The following BRINP2 variants were observed in gnomAD, a reference collection of about 807,000 sequenced individuals.
BRINP2 encodes the protein BMP/retinoic acid-inducible neural-specific protein 2.
In BRINP2, 21 loss-of-function variants were observed where a neutral mutation model predicts 69.2. That is an observed-to-expected ratio of 0.30 (90% CI 0.22 to 0.44). BRINP2 has a LOEUF of 0.44. Among genes scored for constraint, BRINP2 ranks in the 20% least tolerant of loss-of-function variants. The pLI is 1.00. For synonymous variants in BRINP2, 380 were observed against 394.1 expected (o/e 0.96, Z 0.42); for missense variants, 877 against 986.0 (o/e 0.89, Z 1.48).
intron 1 of BRINP2, among the ~76,000 whole-genome samples, chr1:177,223,433 G>A (rs751364464): frequency 2.0e-5 from 3 of 152,146 alleles, no homozygotes; most frequent in Non-Finnish European, 4.4e-5. Context: ...GGCTGGGTCC[G>A]TCTTGTTCAT....
chr1:177,276,934 G>A (rs549074402), intron 6 of BRINP2, among the ~76,000 whole-genome samples: 2 of 151,014 alleles, frequency 1.3e-5, no homozygotes, highest in Admixed American at 1.3e-4. Context: ...TTATGACCTT[G>A]GATTAGCCGT....
At chr1:177,179,946 T>A (rs1198172415) in intron 1 of BRINP2, among the ~76,000 whole-genome samples, 3 of 152,124 alleles carry the variant, frequency 2.0e-5, no homozygotes, top group Non-Finnish European at 2.9e-5. Flanking sequence ...ACGTATGTAT[T>A]CACACACACG....
At chr1:177,177,880 G>A (rs1648136607) in intron 1 of BRINP2, among the ~76,000 whole-genome samples, 1 of 152,156 alleles carries the variant, frequency 6.6e-6, no homozygotes, top group Non-Finnish European at 1.5e-5. Flanking sequence ...TCTTCACTTT[G>A]ACATCACCAA....
chr1:177,209,293 A>G (rs745399184), intron 1 of BRINP2, among the ~76,000 whole-genome samples: 10 of 152,186 alleles, frequency 6.6e-5, no homozygotes, highest in Non-Finnish European at 4.4e-5. Context: ...CACAGAAAGC[A>G]TATGGGTAAT....
At chr1:177,214,619 T>C (rs1030862208) in intron 1 of BRINP2, among the ~76,000 whole-genome samples, 1 of 152,176 alleles carries the variant, frequency 6.6e-6, no homozygotes. Flanking sequence ...TTTCCGTGAT[T>C]TAGGCAGTAT....
intron 1 of BRINP2, among the ~76,000 whole-genome samples, chr1:177,223,681 G>T (rs928869844): frequency 6.6e-6 from 1 of 152,150 alleles, no homozygotes; most frequent in African/African-American, 2.4e-5. Flanking sequence ...TTAGTAAACA[G>T]TAATTATGAT....
intron 1 of BRINP2, among the ~76,000 whole-genome samples, chr1:177,217,857 A>T (rs1184788349): frequency 6.6e-6 from 1 of 152,166 alleles, no homozygotes; most frequent in Non-Finnish European, 1.5e-5. Context: ...GAGCTGCCAT[A>T]TGGATGCTGC....
chr1:177,273,584 CA>C lies in BRINP2; in HGVS notation c.767del (p.Gln256ArgfsTer18). 1 of 1,581,062 alleles carries C rather than the reference CA, an allele frequency of 6.3e-7. No individual in the cohort carries two copies. On this transcript the variant is annotated frameshift_variant, in exon 5 of 8. Coordinates refer to ENST00000361539, the MANE Select transcript of BRINP2 (RefSeq NM_021165.4). LOFTEE classifies it high-confidence loss of function. ...GGTACAGAGTCCAGAGAACAAAGTA[CA>C]GTTACTTGGTAAGCAGCACTATGAT... ...VLVQSPENKV[Q>X]LLGLQVLLPE...
chr1:177,278,833 C>A, intron 7 of BRINP2, 48 bp downstream of exon 7: 1 of 1,580,316 alleles, frequency 6.3e-7, no homozygotes, highest in Non-Finnish European at 8.7e-7. Flanking sequence ...CCTCCCCTGA[C>A]AGCTGCTGAG....
chr1:177,267,209 C>T (rs1054155084), intron 4 of BRINP2, among the ~76,000 whole-genome samples: 1 of 152,178 alleles, frequency 6.6e-6, no homozygotes, highest in African/African-American at 2.4e-5. Flanking sequence ...TGAAAAATAT[C>T]ACAGCTCTCC....
chr1:177,226,076 A>G (rs1558166433), intron 1 of BRINP2, among the ~76,000 whole-genome samples: 1 of 152,226 alleles, frequency 6.6e-6, no homozygotes, highest in Admixed American at 6.5e-5. Context: ...GCACCCGTTG[A>G]CTTAATATAT....
intron 6 of BRINP2, 123 bp from the exon 7 acceptor site, chr1:177,278,440 G>A: frequency 2.4e-6 from 2 of 832,234 alleles, no homozygotes; most frequent in Admixed American, 4.1e-5. Context: ...AGGGAAATGG[G>A]TGTGCAGCCT....
chr1:177,255,835 G>A, intron 2 of BRINP2, 84 bp from the exon 3 acceptor site: 1 of 1,384,900 alleles, frequency 7.2e-7, no homozygotes, highest in East Asian at 2.3e-5. Flanking sequence ...TGCAAGTGGA[G>A]GAAGAACATT....
chr1:177,186,307 T>C (rs903390000), intron 1 of BRINP2, among the ~76,000 whole-genome samples: 15 of 152,136 alleles, frequency 9.9e-5, no homozygotes, highest in African/African-American at 3.6e-4. Flanking sequence ...TCTATGGCCC[T>C]GAGTTTCCTA....
chr1:177,204,466 G>C (rs1425161412), intron 1 of BRINP2, among the ~76,000 whole-genome samples: 6 of 151,538 alleles, frequency 4.0e-5, no homozygotes, highest in Non-Finnish European at 1.5e-5. Flanking sequence ...AGTTTATAAG[G>C]AGTGGCCACA....
At chr1:177,183,137 C>CTTTTT (rs71129597) in intron 1 of BRINP2, among the ~76,000 whole-genome samples, 142 of 54,298 alleles carry the variant, frequency 2.6e-3, no homozygotes, top group Non-Finnish European at 3.6e-3. Flanking sequence ...AGTGTGTGAG[C>CTTTTT]TTTTTTTTTT....
rs542974846 is a variant in BRINP2, at chr1:177,266,652, C to T, written c.670-6836C>T. ...GCGGGCACCTGTAGTCCCAGCTACTCGGGAGGGTGAGGAAGGAGAATGGCA... is the reference window on the plus strand; with the variant it reads ...GCGGGCACCTGTAGTCCCAGCTACTTGGGAGGGTGAGGAAGGAGAATGGCA... On this transcript the variant is annotated intron_variant, in intron 4 of 7. Coordinates refer to ENST00000361539, the MANE Select transcript of BRINP2 (RefSeq NM_021165.4). 9.9e-4 allele frequency among the ~76,000 whole-genome samples: 146 copies of T among 147,292 alleles called. 1 individual carries two copies. Among genetic ancestry groups the T allele is most frequent in the African/African-American group, 3.2e-3 (127 of 39,812 alleles).
chr1:177,226,114 T>G (rs1423366225), intron 1 of BRINP2, among the ~76,000 whole-genome samples: 1 of 152,192 alleles, frequency 6.6e-6, no homozygotes, highest in Non-Finnish European at 1.5e-5. Context: ...GCACACAGGT[T>G]TTTCACATGT....
chr1:177,205,602 G>T (rs1190632540), intron 1 of BRINP2, among the ~76,000 whole-genome samples: 2 of 152,214 alleles, frequency 1.3e-5, no homozygotes, highest in African/African-American at 4.8e-5. Context: ...CCCTAAATGT[G>T]TGGATTTAGC....
Sources: gnomAD v4.1 joint callset for allele counts (sites outside exome capture counted in the v4.1 genomes callset) on GRCh38, gnomAD v4.1.1 for gene constraint, MANE v1.5 for transcripts, NCBI Gene and HGNC (gene_info 2026-07-23, HGNC 2026-07-21) for gene names.